The following PDXDC1 variants were observed in gnomAD, a reference collection of about 807,000 sequenced individuals.
The protein encoded by PDXDC1 is pyridoxal-dependent decarboxylase domain-containing protein 1.
A neutral mutation model predicts 100.1 loss-of-function variants in PDXDC1; 42 were observed. The ratio of observed to expected loss-of-function variants is 0.42; its 90% CI spans 0.33 to 0.54. The LOEUF (loss-of-function observed/expected upper bound fraction) is 0.54. Ranked by LOEUF, PDXDC1 falls within the 20% of genes least tolerant of loss-of-function variation. The pLI is 0.10. For synonymous variants in PDXDC1, 260 were observed against 371.7 expected (o/e 0.70, Z 3.46); for missense variants, 636 against 979.2 (o/e 0.65, Z 4.68).
chr16:14,987,137 C>T (rs1258087382), intron 1 of PDXDC1, among the ~76,000 whole-genome samples: 4 of 152,274 alleles, frequency 2.6e-5, no homozygotes, highest in Admixed American at 6.5e-5. Context: ...GAGTTTACGG[C>T]CATCTGGTTG....
chr16:15,015,187 C>T (rs1325029194), intron 8 of PDXDC1, among the ~76,000 whole-genome samples: 11 of 152,238 alleles, frequency 7.2e-5, no homozygotes, highest in Admixed American at 4.6e-4. Flanking sequence ...GTGATCCACC[C>T]GCCTGGGCCT....
At chr16:15,106,407 C>T in intron 16 of PDXDC1, 1 of 591,420 alleles carries the variant, frequency 1.7e-6, no homozygotes, top group South Asian at 2.0e-5. Context: ...ATCCTCACAA[C>T]TGTACCCTTA....
At chr16:15,111,012 C>T (rs946039785) in intron 16 of PDXDC1, among the ~76,000 whole-genome samples, 2 of 148,234 alleles carry the variant, frequency 1.3e-5, no homozygotes, top group Admixed American at 6.8e-5. Flanking sequence ...GCCTGTAATC[C>T]GAGCTACTCG....
intron 5 of PDXDC1, among the ~76,000 whole-genome samples, chr16:15,005,259 T>G (rs565921187): frequency 6.8e-6 from 1 of 147,184 alleles, no homozygotes; most frequent in South Asian, 2.1e-4. Flanking sequence ...CTCTGGACGC[T>G]GAGGCACTGC....
intron 8 of PDXDC1, among the ~76,000 whole-genome samples, chr16:15,014,077 G>A: frequency 6.6e-6 from 1 of 152,016 alleles, no homozygotes; most frequent in East Asian, 2.0e-4. Context: ...TGTGGTGGCA[G>A]GCACCTGTAA....
rs866641990 is a variant in PDXDC1 at position 15,074,605 on chromosome 16, T to A, written c.1399+44549T>A. On this transcript the variant is annotated intron_variant, in intron 16 of 16. Coordinates refer to the PDXDC1 transcript ENST00000535621. The stretch of plus-strand genomic sequence containing the variant: ...ACCTCTTTAAATCATCTTAAACTCA[T>A]ACTCAATAGATATTTTTACAGGATT... 7 of 705,094 alleles carry A rather than the reference T, an allele frequency of 9.9e-6. No individual in the cohort carries two copies. In the South Asian group the frequency reaches 1.7e-4, roughly 17 times the overall value. The allele number at this position is 705,094 out of a possible 1,614,324, so 43.7% of individuals were successfully genotyped here.
chr16:15,041,824 TATGGGGCCAGACA>T, downstream of PDXDC1: 1 of 690,160 alleles, frequency 1.4e-6, no homozygotes, highest in East Asian at 2.8e-5. Flanking sequence ...CAGCCTGGCC[TATGGGGCCAGACA>T]CTAGGGAGCT....
chr16:15,003,628 A>T (rs1346362804), intron 4 of PDXDC1, among the ~76,000 whole-genome samples: 9 of 152,306 alleles, frequency 5.9e-5, no homozygotes, highest in African/African-American at 2.2e-4. Context: ...AATTATTTTA[A>T]AACAGTTTGT....
chr16:15,040,808 T>G (rs1344396742), downstream of PDXDC1, among the ~76,000 whole-genome samples: 2 of 152,036 alleles, frequency 1.3e-5, no homozygotes, highest in African/African-American at 4.8e-5. Context: ...CTGGGAAGGG[T>G]GGGCATGGCC....
At chr16:15,076,698 A>C in intron 16 of PDXDC1, 1 of 1,332,064 alleles carries the variant, frequency 7.5e-7, no homozygotes, top group Non-Finnish European at 1.1e-6. Flanking sequence ...TAAAAAATAC[A>C]ACTATGTTAT....
chr16:15,080,245 C>A, intron 16 of PDXDC1: 1 of 1,102,764 alleles, frequency 9.1e-7, no homozygotes, highest in Non-Finnish European at 1.2e-6. Flanking sequence ...TATACTGTTT[C>A]TACATGTATT....
At chr16:15,123,197 C>T (rs1366786514) in intron 16 of PDXDC1, among the ~76,000 whole-genome samples, 1 of 151,108 alleles carries the variant, frequency 6.6e-6, no homozygotes, top group Non-Finnish European at 1.5e-5. Context: ...AATGGACATT[C>T]CAAGTAGCGC....
At chr16:15,030,432 G>T (rs987362278) in intron 16 of PDXDC1, among the ~76,000 whole-genome samples, 13 of 83,172 alleles carry the variant, frequency 1.6e-4, no homozygotes, top group Non-Finnish European at 3.5e-4. Flanking sequence ...TGCAGTCCCA[G>T]CTACTTGGGA....
At chr16:15,126,627 G>C (rs1207616842) in intron 16 of PDXDC1, 3 of 143,466 alleles carry the variant, frequency 2.1e-5, no homozygotes, top group Non-Finnish European at 4.5e-5. Flanking sequence ...TATCGTGAAG[G>C]CTCTGAGCCT....
intron 22 of PDXDC1, 21 bp from the exon 23 acceptor site, chr16:15,035,995 G>A (rs754373579): frequency 6.3e-7 from 1 of 1,595,144 alleles, no homozygotes. Context: ...TTTCAGCGCA[G>A]TCTGTCTGCC....
At chr16:15,132,471 C>A (rs942494664) in intron 16 of PDXDC1, among the ~76,000 whole-genome samples, 3 of 147,956 alleles carry the variant, frequency 2.0e-5, no homozygotes, top group African/African-American at 7.5e-5. Flanking sequence ...AGAACAGCAT[C>A]TTCTTAGTCC....
At chr16:15,111,658 T>C (rs958772719) in intron 16 of PDXDC1, among the ~76,000 whole-genome samples, 8 of 135,906 alleles carry the variant, frequency 5.9e-5, no homozygotes, top group Admixed American at 8.1e-5. Context: ...CTCCGGAGGC[T>C]GAGGCAGGAG....
At chr16:15,035,110 T>C (rs1169445691) in intron 21 of PDXDC1, among the ~76,000 whole-genome samples, 1 of 152,192 alleles carries the variant, frequency 6.6e-6, no homozygotes, top group Non-Finnish European at 1.5e-5. Context: ...GATGACTCCA[T>C]TGTCATGAAA....
In PDXDC1 at chr16:15,034,540, T is replaced by C; in HGVS notation, c.1989T>C (p.Phe663=). 1 of 1,613,314 alleles carries C rather than the reference T, an allele frequency of 6.2e-7. No individual in the cohort carries two copies. Among genetic ancestry groups the C allele is most frequent in the East Asian group, 2.2e-5 (1 of 44,872 alleles). ...PVQALQKGRT[F]NLTAGSLEST... is the part of the protein sequence containing the mutation. ...AGGCTTTACAGAAGGGAAGAACTTT[T>C]AACTTGACAGCAGGTAGGACGGCAT... Residue 663 remains phenylalanine (F), a synonymous_variant, in exon 21 of 23, where the codon TTT becomes TTC. Transcript: ENST00000396410.
Sources: gnomAD v4.1 joint callset for allele counts (sites outside exome capture counted in the v4.1 genomes callset) on GRCh38, gnomAD v4.1.1 for gene constraint, MANE v1.5 for transcripts, NCBI Gene and HGNC (gene_info 2026-07-23, HGNC 2026-07-21) for gene names.